The following TMEM132D variants were observed in gnomAD, a reference collection of about 807,000 sequenced individuals.
TMEM132D encodes mature OL transmembrane protein.
TMEM132D carries 21 observed loss-of-function variants against 62.3 expected under a neutral mutation model. The observed-to-expected ratio is 0.34, with a 90% CI of 0.24 to 0.49. The LOEUF is 0.49. Ranked by LOEUF, TMEM132D falls within the 20% of genes least tolerant of loss-of-function variation. The pLI is 0.99. For synonymous variants in TMEM132D, 621 were observed against 575.6 expected (o/e 1.08, Z -1.13); for missense variants, 1,346 against 1,402.8 (o/e 0.96, Z 0.65).
chr12:129,561,266 C>T lies in TMEM132D; in HGVS notation c.969-30061G>A, dbSNP rs151151425. 6.2e-3 allele frequency among the ~76,000 whole-genome samples: 940 copies of T among 152,318 alleles called. 17 individuals are homozygous for T. Among genetic ancestry groups the T allele is most frequent in the African/African-American group, 0.021 (862 of 41,568 alleles). ...CTTGGGATAAACAGTCTGAACCACT[C>T]ATCCAACCAATATGAGAGCTATGCA... is the stretch of plus-strand genomic sequence containing the variant. On this transcript the variant is annotated intron_variant, in intron 2 of 8. Transcript: ENST00000422113.
chr12:129,529,087 T>C (rs1876141347), intron 3 of TMEM132D, among the ~76,000 whole-genome samples: 1 of 152,250 alleles, frequency 6.6e-6, no homozygotes, highest in Non-Finnish European at 1.5e-5. Flanking sequence ...TGTCTGTATG[T>C]GTATAACCTT....
chr12:129,870,969 A>G (rs368602232), intron 1 of TMEM132D, among the ~76,000 whole-genome samples: 171 of 152,236 alleles, frequency 1.1e-3, no homozygotes, highest in African/African-American at 4.0e-3. Context: ...CAGAGCTGAC[A>G]TTAGAACACC....
At chr12:129,095,684 T>A (rs1875089139) in intron 5 of TMEM132D, among the ~76,000 whole-genome samples, 1 of 151,958 alleles carries the variant, frequency 6.6e-6, no homozygotes, top group Non-Finnish European at 1.5e-5. Context: ...GATCGGGGCA[T>A]CAGGGCACAC....
chr12:129,521,588 T>C (rs1028963058), intron 3 of TMEM132D: 6 of 152,190 alleles, frequency 3.9e-5, no homozygotes, highest in African/African-American at 1.4e-4. Context: ...ACTGAGAAGC[T>C]GAAAATCTAT....
intron 2 of TMEM132D, among the ~76,000 whole-genome samples, chr12:129,642,989 A>G (rs1275136094): frequency 6.8e-6 from 1 of 147,426 alleles, no homozygotes; most frequent in Non-Finnish European, 1.5e-5. Flanking sequence ...CAATGGCACA[A>G]TCTCGGCTCA....
intron 5 of TMEM132D, among the ~76,000 whole-genome samples, chr12:129,117,417 A>T (rs1875928270): frequency 6.6e-6 from 1 of 152,152 alleles, no homozygotes; most frequent in Admixed American, 6.5e-5. Flanking sequence ...CCCTAATTTG[A>T]GCTTTGGTAA....
chr12:129,131,832 C>T (rs1876383244), intron 5 of TMEM132D, among the ~76,000 whole-genome samples: 1 of 152,142 alleles, frequency 6.6e-6, no homozygotes, highest in Admixed American at 6.5e-5. Context: ...TAAATTCCCA[C>T]TGAAAGCATA....
chr12:129,806,474 A>T (rs1001224599), intron 1 of TMEM132D, among the ~76,000 whole-genome samples: 1 of 136,904 alleles, frequency 7.3e-6, no homozygotes, highest in South Asian at 2.6e-4. Context: ...ATTCTCACTC[A>T]TAGGTGGGAA....
chr12:129,221,775 C>T (rs1879352370), intron 4 of TMEM132D, among the ~76,000 whole-genome samples: 1 of 152,122 alleles, frequency 6.6e-6, no homozygotes, highest in Non-Finnish European at 1.5e-5. Flanking sequence ...CTTGTTTGGC[C>T]AAACTCTGTT....
intron 5 of TMEM132D, among the ~76,000 whole-genome samples, chr12:129,164,845 G>A (rs1457263702): frequency 6.6e-6 from 1 of 152,112 alleles, no homozygotes; most frequent in Non-Finnish European, 1.5e-5. Context: ...ATTTGGGTGG[G>A]AACACAAAGC....
chr12:129,511,326 T>C (rs1414739188), intron 3 of TMEM132D, among the ~76,000 whole-genome samples: 1 of 151,972 alleles, frequency 6.6e-6, no homozygotes, highest in Non-Finnish European at 1.5e-5. Flanking sequence ...TCAGCCCCAA[T>C]TTTTTTTGCA....
intron 5 of TMEM132D, among the ~76,000 whole-genome samples, chr12:129,162,228 C>T (rs908566779): frequency 5.3e-5 from 8 of 152,110 alleles, no homozygotes; most frequent in African/African-American, 1.4e-4. Flanking sequence ...AGAAAGGCCT[C>T]TGAGAGCTTG....
In TMEM132D at chr12:129,395,764, A is replaced by G. The variant is rs1172638319; in HGVS notation, c.1116-57947T>C. 2.0e-5 allele frequency among the ~76,000 whole-genome samples: 3 copies of G among 148,806 alleles called. No individual in the cohort carries two copies. The East Asian group carries it at 5.9e-4, about 29-fold the overall frequency. On this transcript the variant is annotated intron_variant, in intron 3 of 8. Coordinates refer to ENST00000422113, the MANE Select transcript of TMEM132D (RefSeq NM_133448.3). ...ATCTATATATCTATAGATAAAATAT[A>G]TATCTATATACTAATCTATATATCT...
chr12:129,343,852 A>AC (rs1869596607), intron 3 of TMEM132D, among the ~76,000 whole-genome samples: 1 of 152,166 alleles, frequency 6.6e-6, no homozygotes, highest in Admixed American at 6.5e-5. Context: ...AATTGCTTGA[A>AC]CACAGGAGGC....
chr12:129,159,304 T>C (rs1332059768), intron 5 of TMEM132D, among the ~76,000 whole-genome samples: 3 of 152,136 alleles, frequency 2.0e-5, no homozygotes, highest in African/African-American at 4.8e-5. Flanking sequence ...GATGCATTCA[T>C]GTTGATGAGC....
At chr12:129,595,841 G>A (rs960112938) in intron 2 of TMEM132D, among the ~76,000 whole-genome samples, 1 of 152,206 alleles carries the variant, frequency 6.6e-6, no homozygotes, top group Non-Finnish European at 1.5e-5. Context: ...AGTTTCCAGT[G>A]GTCCCTCAGC....
chr12:129,687,431 C>A (rs1880959310), intron 2 of TMEM132D, among the ~76,000 whole-genome samples: 1 of 151,616 alleles, frequency 6.6e-6, no homozygotes, highest in African/African-American at 2.4e-5. Flanking sequence ...CTGAGAGCTC[C>A]CGGAATTATC....
At chr12:129,545,533 T>C (rs1002518665) in intron 2 of TMEM132D, among the ~76,000 whole-genome samples, 16 of 152,204 alleles carry the variant, frequency 1.1e-4, no homozygotes, top group African/African-American at 3.6e-4. Context: ...TTGCTGACTA[T>C]AGGCACAGTG....
chr12:129,266,570 C>T (rs1213926503), intron 4 of TMEM132D, among the ~76,000 whole-genome samples: 1 of 148,800 alleles, frequency 6.7e-6, no homozygotes, highest in Non-Finnish European at 1.5e-5. Flanking sequence ...CTTTCCTCTT[C>T]ATTTTCTCTT....
Sources: allele counts gnomAD v4.1 joint callset (sites outside exome capture counted in the v4.1 genomes callset), GRCh38; gene constraint gnomAD v4.1.1; transcripts MANE v1.5; gene names NCBI Gene and HGNC (gene_info 2026-07-23, HGNC 2026-07-21).